Variants in LRRC49 observed in about 807,000 individuals in gnomAD.
The protein encoded by LRRC49 is leucine rich repeat containing 49, also known as leucine-rich repeat-containing protein 49.
Under a neutral mutation model 83.3 loss-of-function variants are expected in LRRC49, and 50 were observed. That is an observed-to-expected ratio of 0.60 (90% CI 0.48 to 0.76). LRRC49 has a LOEUF of 0.76. Among genes scored for constraint, LRRC49 ranks in the 30% least tolerant of loss-of-function variants. The pLI is 0.00. For synonymous variants in LRRC49, 286 were observed against 283.3 expected, an observed-to-expected ratio of 1.01 and a Z score of -0.10; for missense variants, 704 against 809.1, an observed-to-expected ratio of 0.87 and a Z score of 1.58.
intron 11 of LRRC49, among the ~76,000 whole-genome samples, chr15:70,989,674 G>A (rs1451967127): frequency 6.6e-6 from 1 of 152,200 alleles, no homozygotes; most frequent in Non-Finnish European, 1.5e-5. Context: ...TTGCTGGTGA[G>A]GAGCTGTGTT....
At chr15:70,963,662 A>C (rs2036688437) in intron 8 of LRRC49, 123 bp from the exon 9 acceptor site, 1 of 1,042,886 alleles carries the variant, frequency 9.6e-7, no homozygotes, top group Admixed American at 2.2e-5. Flanking sequence ...GTATAGGGGA[A>C]CTCTGTACTA....
chr15:70,867,999 A>G (rs552458113), intron 1 of LRRC49, among the ~76,000 whole-genome samples: 7 of 152,078 alleles, frequency 4.6e-5, no homozygotes, highest in Non-Finnish European at 8.8e-5. Context: ...TTAGCTGTCA[A>G]GTTGAGAGCA....
chr15:71,009,613 C>T (rs1269064704), intron 12 of LRRC49, 194 bp from the exon 13 acceptor site: 14 of 446,044 alleles, frequency 3.1e-5, no homozygotes, highest in Non-Finnish European at 4.4e-5. Flanking sequence ...GGATGGATTC[C>T]ATCAATGGTG....
At chr15:70,859,570 T>C (rs1185663387) in intron 1 of LRRC49, 5 of 663,084 alleles carry the variant, frequency 7.5e-6, no homozygotes, top group Non-Finnish European at 1.4e-5. Flanking sequence ...AGATCAAGTA[T>C]GAGGAGCTGC....
chr15:70,949,834 CGG>C (rs1850426136), intron 8 of LRRC49, among the ~76,000 whole-genome samples: 1 of 151,832 alleles, frequency 6.6e-6, no homozygotes, highest in Non-Finnish European at 1.5e-5. Context: ...ATTTTAAGTT[CGG>C]GGCTACATAT....
intron 8 of LRRC49, among the ~76,000 whole-genome samples, chr15:70,962,820 G>A (rs2036650821): frequency 6.6e-6 from 1 of 152,012 alleles, no homozygotes; most frequent in Non-Finnish European, 1.5e-5. Flanking sequence ...CCTGAGTGTG[G>A]GCTGTACATG....
chr15:70,982,174 A>G (rs2037425521), intron 10 of LRRC49, among the ~76,000 whole-genome samples: 1 of 152,138 alleles, frequency 6.6e-6, no homozygotes, highest in African/African-American at 2.4e-5. Context: ...TCAGTGGTCT[A>G]AAGATATTTT....
At chr15:71,041,855 T>C (rs1340924728) in intron 15 of LRRC49, among the ~76,000 whole-genome samples, 1 of 152,164 alleles carries the variant, frequency 6.6e-6, no homozygotes, top group Admixed American at 6.5e-5. Flanking sequence ...TTAAGGCATA[T>C]TATAAATACC....
intron 9 of LRRC49, among the ~76,000 whole-genome samples, chr15:70,970,959 A>C (rs1357696353): frequency 6.6e-6 from 1 of 152,036 alleles, no homozygotes; most frequent in Non-Finnish European, 1.5e-5. Flanking sequence ...TGATTTTTTG[A>C]AGGGTCATTC....
chr15:70,868,804 T>C (rs1351963283), intron 1 of LRRC49, among the ~76,000 whole-genome samples: 1 of 152,232 alleles, frequency 6.6e-6, no homozygotes, highest in Non-Finnish European at 1.5e-5. Flanking sequence ...TTTTTCTAAA[T>C]AGGTAAGAGC....
intron 8 of LRRC49, among the ~76,000 whole-genome samples, chr15:70,961,946 A>C (rs903221916): frequency 6.6e-6 from 1 of 152,208 alleles, no homozygotes; most frequent in East Asian, 1.9e-4. Context: ...GACCGACAAG[A>C]GAATCTAACT....
At chr15:70,938,391 C>T (rs1055042136) in intron 8 of LRRC49, among the ~76,000 whole-genome samples, 4 of 152,086 alleles carry the variant, frequency 2.6e-5, no homozygotes, top group Admixed American at 6.6e-5. Context: ...AATTTTGAGG[C>T]TTTTAAAAAT....
At chr15:71,034,285 G>T (rs2039451208) in intron 14 of LRRC49, among the ~76,000 whole-genome samples, 3 of 152,280 alleles carry the variant, frequency 2.0e-5, no homozygotes, top group African/African-American at 7.2e-5. Flanking sequence ...ATGAAAAAAA[G>T]GTCGACATCA....
upstream of LRRC49, chr15:70,891,764 C>G: frequency 7.5e-7 from 1 of 1,325,778 alleles, no homozygotes; most frequent in Non-Finnish European, 1.0e-6. Flanking sequence ...GATGAGGTGC[C>G]TTTCCCAAGG....
chr15:71,034,657 A>AGAAATTGT (rs1233616854), intron 14 of LRRC49, among the ~76,000 whole-genome samples: 3 of 152,240 alleles, frequency 2.0e-5, no homozygotes, highest in African/African-American at 7.2e-5. Flanking sequence ...GACTGGATAA[A>AGAAATTGT]GAAATTGTGG....
intron 10 of LRRC49, among the ~76,000 whole-genome samples, chr15:70,983,587 A>G (rs1189648292): frequency 2.0e-5 from 3 of 152,132 alleles, no homozygotes; most frequent in Non-Finnish European, 2.9e-5. Context: ...TTCAGACAGT[A>G]TAATTTATTC....
At chr15:70,967,904 A>G (rs1276462071) in intron 9 of LRRC49, among the ~76,000 whole-genome samples, 2 of 152,000 alleles carry the variant, frequency 1.3e-5, no homozygotes, top group African/African-American at 4.8e-5. Context: ...AGTTTTGTCT[A>G]GGTAGGGTTA....
intron 15 of LRRC49, 146 bp downstream of exon 15, chr15:71,037,478 G>A (rs930741814): frequency 3.5e-6 from 2 of 570,362 alleles, no homozygotes; most frequent in Non-Finnish European, 5.8e-6. Flanking sequence ...GCCAGGGACA[G>A]TAGGTACCCA....
At chr15:70,991,920 A>C (rs147096592) in intron 11 of LRRC49, among the ~76,000 whole-genome samples, 35 of 152,354 alleles carry the variant, frequency 2.3e-4, no homozygotes, top group African/African-American at 8.2e-4. Flanking sequence ...CTGTAGTTAG[A>C]GTCTAACATA....
Sources: gnomAD v4.1 joint callset for allele counts (sites outside exome capture counted in the v4.1 genomes callset) on GRCh38, gnomAD v4.1.1 for gene constraint, MANE v1.5 for transcripts, NCBI Gene and HGNC (gene_info 2026-07-23, HGNC 2026-07-21) for gene names.